The following NTN1 variants were observed in gnomAD, a reference collection of about 807,000 sequenced individuals.
The protein encoded by NTN1 is netrin 1, also known as netrin-1.
NTN1 carries 11 observed loss-of-function variants against 54.2 expected under a neutral mutation model. The ratio of observed to expected loss-of-function variants is 0.20; its 90% CI spans 0.13 to 0.34. The LOEUF (loss-of-function observed/expected upper bound fraction) is 0.34. NTN1 is among the 10% of genes least tolerant of loss of function. The probability of loss-of-function intolerance (pLI) is 1.00; values close to 1 mark genes in which losing one functional copy is unlikely to be tolerated. For synonymous variants in NTN1, 371 were observed against 382.0 expected (o/e 0.97, Z 0.33); for missense variants, 740 against 893.1 (o/e 0.83, Z 2.18).
intron 6 of NTN1, among the ~76,000 whole-genome samples, chr17:9,226,017 T>C (rs1310997131): frequency 6.6e-6 from 1 of 151,872 alleles, no homozygotes; most frequent in Non-Finnish European, 1.5e-5. Flanking sequence ...GGTGGAAGGC[T>C]GGGGCGGTGG....
chr17:9,022,244 C>G, intron 1 of NTN1, 67 bp from the exon 2 acceptor site: 1 of 1,061,580 alleles, frequency 9.4e-7, no homozygotes, highest in Non-Finnish European at 1.2e-6. Flanking sequence ...CATCTCCGCT[C>G]GCCACCCCGC....
intron 2 of NTN1, among the ~76,000 whole-genome samples, chr17:9,121,319 C>T (rs1183720478): frequency 6.6e-6 from 1 of 152,170 alleles, no homozygotes; most frequent in Non-Finnish European, 1.5e-5. Context: ...GCCGCTCCCT[C>T]TCCTTGATGT....
chr17:9,180,460 A>G (rs2092415475), intron 4 of NTN1, among the ~76,000 whole-genome samples: 1 of 152,110 alleles, frequency 6.6e-6, no homozygotes, highest in Admixed American at 6.5e-5. Flanking sequence ...GGCTCAGCAG[A>G]GCCAGCCTGT....
At chr17:9,187,674 A>G (rs1195783991) in intron 5 of NTN1, among the ~76,000 whole-genome samples, 2 of 151,182 alleles carry the variant, frequency 1.3e-5, no homozygotes, top group African/African-American at 2.4e-5. Flanking sequence ...AAAAAAAAAA[A>G]AAAAACATTA....
chr17:9,143,954 T>C (rs2092305810), intron 2 of NTN1, among the ~76,000 whole-genome samples: 1 of 151,482 alleles, frequency 6.6e-6, no homozygotes, highest in Non-Finnish European at 1.5e-5. Context: ...TGGAGTGCAA[T>C]GGCACAATCT....
At chr17:9,104,056 T>G (rs1238847519) in intron 2 of NTN1, among the ~76,000 whole-genome samples, 1 of 121,532 alleles carries the variant, frequency 8.2e-6, no homozygotes, top group Non-Finnish European at 1.6e-5. Flanking sequence ...GCCACTGTAC[T>G]CCAGCCTGGG....
At chr17:9,137,469 G>A (rs914311759) in intron 2 of NTN1, among the ~76,000 whole-genome samples, 7 of 152,304 alleles carry the variant, frequency 4.6e-5, no homozygotes, top group East Asian at 1.9e-4. Flanking sequence ...TGCCCTATCC[G>A]TGGAGGGGGG....
At chr17:9,073,520 T>C (rs1350839395) in intron 2 of NTN1, among the ~76,000 whole-genome samples, 1 of 152,194 alleles carries the variant, frequency 6.6e-6, no homozygotes, top group Non-Finnish European at 1.5e-5. Context: ...TGTCTTTCCT[T>C]GTGCTGGGTC....
intron 6 of NTN1, among the ~76,000 whole-genome samples, chr17:9,228,441 C>T (rs958379774): frequency 1.3e-5 from 2 of 152,160 alleles, no homozygotes; most frequent in Non-Finnish European, 2.9e-5. Context: ...GCCACTCTGA[C>T]CCCTCCAGCT....
At chr17:9,134,621 C>T (rs1312250672) in intron 2 of NTN1, among the ~76,000 whole-genome samples, 2 of 152,206 alleles carry the variant, frequency 1.3e-5, no homozygotes. Flanking sequence ...GGCAGAGAAC[C>T]ATGAGAATAG....
chr17:9,182,037 G>A (rs141044406), intron 4 of NTN1, among the ~76,000 whole-genome samples: 13 of 152,292 alleles, frequency 8.5e-5, no homozygotes, highest in African/African-American at 3.1e-4. Context: ...GAGTGCAGTG[G>A]TACCATCATA....
rs1298541508 is a variant in NTN1 at position 9,240,029 on chromosome 17, G to T, written c.*61G>T. 6.1e-6 allele frequency: 7 copies of T among 1,145,658 alleles called. No individual in the cohort carries two copies. The highest frequency in any genetic ancestry group is 6.5e-6 in the Non-Finnish European group (6 of 925,132). 71.0% of individuals were successfully genotyped at this position (1,145,658 alleles called of 1,614,324 possible). A position where few individuals can be genotyped will look rare whatever the true frequency, so the allele number is the denominator to read the frequency against. On this transcript the variant is annotated 3_prime_UTR_variant, in exon 7 of 7. Transcript: ENST00000173229. ...AGGGCGGGGCCGAGCGAGAGCGGGC[G>T]CCTTGGCCCGGCCGCCGCGGACTTG...
chr17:9,180,075 G>A (rs1308725949), intron 4 of NTN1, 119 bp downstream of exon 4: 2 of 1,167,010 alleles, frequency 1.7e-6, no homozygotes, highest in Non-Finnish European at 1.2e-6. Flanking sequence ...GTCTCACTGT[G>A]TCGCCCAGGC....
At chr17:9,100,729 T>C (rs1486395949) in intron 2 of NTN1, among the ~76,000 whole-genome samples, 1 of 152,128 alleles carries the variant, frequency 6.6e-6, no homozygotes, top group Admixed American at 6.5e-5. Flanking sequence ...ATGCAAATCA[T>C]TTTTTCCAAT....
intron 2 of NTN1, among the ~76,000 whole-genome samples, chr17:9,042,613 C>T (rs1209877056): frequency 6.6e-6 from 1 of 151,752 alleles, no homozygotes; most frequent in Admixed American, 6.6e-5. Context: ...ATGGTGAAAC[C>T]CCGTCTCCAC....
chr17:9,164,755 A>G (rs1368599120), intron 3 of NTN1, among the ~76,000 whole-genome samples: 1 of 152,174 alleles, frequency 6.6e-6, no homozygotes, highest in East Asian at 1.9e-4. Flanking sequence ...GGTTGCCAAG[A>G]GAAACATGAA....
At chr17:9,146,954 C>T (rs1486802604) in intron 2 of NTN1, among the ~76,000 whole-genome samples, 2 of 152,082 alleles carry the variant, frequency 1.3e-5, no homozygotes, top group African/African-American at 4.8e-5. Flanking sequence ...TAGACAGCTG[C>T]CTTGCTACCT....
At chr17:9,227,516 C>CCA (rs1180828693) in intron 6 of NTN1, among the ~76,000 whole-genome samples, 1 of 150,604 alleles carries the variant, frequency 6.6e-6, no homozygotes, top group Non-Finnish European at 1.5e-5. Flanking sequence ...ATCACACACA[C>CCA]CACACACATC....
At chr17:9,061,344 G>T (rs1293263009) in intron 2 of NTN1, among the ~76,000 whole-genome samples, 1 of 152,194 alleles carries the variant, frequency 6.6e-6, no homozygotes, top group Non-Finnish European at 1.5e-5. Flanking sequence ...CAAAGGGTAA[G>T]GGGGGGTCTG....
Sources: allele counts gnomAD v4.1 joint callset (sites outside exome capture counted in the v4.1 genomes callset), GRCh38; gene constraint gnomAD v4.1.1; transcripts MANE v1.5; gene names NCBI Gene and HGNC (gene_info 2026-07-23, HGNC 2026-07-21).